CACNB4: variants seen among roughly 807,000 people sequenced by gnomAD.
CACNB4 encodes the protein calcium voltage-gated channel auxiliary subunit beta 4, also known as voltage-dependent L-type calcium channel subunit beta-4.
CACNB4 carries 32 observed loss-of-function variants against 71.2 expected under a neutral mutation model. That is an observed-to-expected ratio of 0.45 (90% confidence interval 0.34 to 0.60). The LOEUF (loss-of-function observed/expected upper bound fraction) is 0.60, where lower values mean the gene tolerates loss of function less well. Ranked by LOEUF, CACNB4 falls within the 20% of genes least tolerant of loss-of-function variation. The pLI is 0.01. For missense variants in CACNB4, 464 were observed against 647.9 expected, an observed-to-expected ratio of 0.72 and a Z score of 3.08; for synonymous variants, 231 against 236.9, an observed-to-expected ratio of 0.97 and a Z score of 0.23.
chr2:151,945,390 C>G lies in CACNB4; in HGVS notation c.148-62020G>C, dbSNP rs150646180. ...CCTCATCTTAACAATGGGGATAGGC[C>G]GGGCATGATGGCTCATGCCTGTAAT... On this transcript the variant is annotated intron_variant, in intron 2 of 13. Coordinates refer to ENST00000539935, the MANE Select transcript of CACNB4 (RefSeq NM_000726.5). Among the ~76,000 whole-genome samples, 175 of 152,280 alleles carry G rather than the reference C, an allele frequency of 1.1e-3. 1 individual carries two copies. The highest frequency in any genetic ancestry group is 4.0e-3 in the African/African-American group (168 of 41,562).
At chr2:152,083,074 C>T (rs75410664) in intron 2 of CACNB4, among the ~76,000 whole-genome samples, 1,872 of 152,256 alleles carry the variant, frequency 0.012, 39 homozygotes, top group African/African-American at 0.043. Context: ...AAACTGCCCT[C>T]CCCAATCTCA....
Position 151,832,931 on chromosome 2 carries a change from G to A in CACNB4, c.*6188C>T, listed in dbSNP as rs982302279. The A allele has an allele frequency of 2.6e-5, 4 of 151,794 alleles. No homozygotes were observed. Among genetic ancestry groups the A allele is most frequent in the Non-Finnish European group, 5.9e-5 (4 of 67,944 alleles). The allele number at this position is 151,794 out of a possible 1,614,324, so 9.4% of individuals were successfully genotyped here. ...TTTTTATTCACAAAAATAACACCACGTTTTTTTCTTTAAAGCCACTAAAGC... is the reference window on the plus strand; with the variant it reads ...TTTTTATTCACAAAAATAACACCACATTTTTTTCTTTAAAGCCACTAAAGC... On this transcript the variant is annotated 3_prime_UTR_variant, in exon 14 of 14. Transcript: ENST00000539935.
intron 2 of CACNB4, chr2:151,971,496 G>C: frequency 1.4e-6 from 1 of 702,712 alleles, no homozygotes; most frequent in Non-Finnish European, 2.6e-6. Context: ...CTATCCACCA[G>C]ACCTGTTCCG....
intron 2 of CACNB4, chr2:151,971,536 C>T: frequency 1.4e-6 from 1 of 702,978 alleles, no homozygotes; most frequent in Non-Finnish European, 2.6e-6. Flanking sequence ...GACAACCCCC[C>T]ACACTTACAG....
Position 151,884,553 on chromosome 2 carries a change from T to G in CACNB4, c.148-1183A>C, listed in dbSNP as rs558412974. On this transcript the variant is annotated intron_variant, in intron 2 of 13. Transcript: ENST00000539935. ...AGGAGGCTGAGGCAGGAGAATGGCGTGAACCCCGGAGGCGGAGCTTGCAGT... is the reference window on the plus strand; with the variant it reads ...AGGAGGCTGAGGCAGGAGAATGGCGGGAACCCCGGAGGCGGAGCTTGCAGT... 3.4e-3 allele frequency among the ~76,000 whole-genome samples: 484 copies of G among 141,624 alleles called. 3 individuals are homozygous for G. The highest frequency in any genetic ancestry group is 6.0e-3 in the Admixed American group (79 of 13,080). The allele number at this position is 141,624 out of a possible 152,430, so 92.9% of individuals were successfully genotyped here. A position where few individuals can be genotyped will look rare whatever the true frequency, so the allele number is the denominator to read the frequency against.
intron 2 of CACNB4, among the ~76,000 whole-genome samples, chr2:152,017,461 ATTTTGGGAGG>A (rs1683407255): frequency 1.3e-5 from 2 of 150,678 alleles, no homozygotes; most frequent in African/African-American, 5.0e-5. Flanking sequence ...TAATCCCAGC[ATTTTGGGAGG>A]CTGAGGCGGG....
chr2:152,047,234 C>T (rs1449792471), intron 2 of CACNB4, among the ~76,000 whole-genome samples: 1 of 152,118 alleles, frequency 6.6e-6, no homozygotes, highest in Non-Finnish European at 1.5e-5. Flanking sequence ...TTTCAGAAAC[C>T]CAAACCCTTA....
intron 2 of CACNB4, among the ~76,000 whole-genome samples, chr2:151,953,945 G>A (rs2099867558): frequency 6.6e-6 from 1 of 152,188 alleles, no homozygotes; most frequent in African/African-American, 2.4e-5. Flanking sequence ...ACAAAGCTCA[G>A]ATGTCTTTAC....
At chr2:151,955,663 C>T (rs949950435) in intron 2 of CACNB4, among the ~76,000 whole-genome samples, 3 of 151,948 alleles carry the variant, frequency 2.0e-5, no homozygotes, top group East Asian at 3.9e-4. Context: ...GAGGCTGAGG[C>T]GGGAGGCTGA....
chr2:151,887,079 AAGAG>A (rs10558426), intron 2 of CACNB4, among the ~76,000 whole-genome samples: 1 of 152,106 alleles, frequency 6.6e-6, no homozygotes, highest in Non-Finnish European at 1.5e-5. Context: ...AATGATCAAA[AAGAG>A]AGAGAGATGG....
At chr2:151,881,879 CTTTTTT>C (rs34072100) in intron 3 of CACNB4, among the ~76,000 whole-genome samples, 1 of 133,042 alleles carries the variant, frequency 7.5e-6, no homozygotes, top group Admixed American at 7.6e-5. Flanking sequence ...CTCCTCCCAT[CTTTTTT>C]TTTTTTTTTT....
In CACNB4 at chr2:151,840,090, A is replaced by G. The variant is rs188056683; in HGVS notation, c.1303-711T>C. On this transcript the variant is annotated intron_variant, in intron 13 of 13. Coordinates refer to ENST00000539935, the MANE Select transcript of CACNB4 (RefSeq NM_000726.5). ...AAGATACTTATTTGAAGGCTCAGAA[A>G]ATGTTATTCAACATTTTTCTCCACT... 5.3e-5 allele frequency among the ~76,000 whole-genome samples: 8 copies of G among 152,354 alleles called. No homozygotes were observed. In the East Asian group the frequency reaches 1.5e-3, roughly 29 times the overall value.
chr2:151,992,112 A>G (rs895688873), intron 2 of CACNB4, among the ~76,000 whole-genome samples: 1 of 152,152 alleles, frequency 6.6e-6, no homozygotes, highest in African/African-American at 2.4e-5. Flanking sequence ...AGTTTCCTCT[A>G]TTTGGAGACA....
At chr2:152,001,699 G>A (rs1206677319) in intron 2 of CACNB4, among the ~76,000 whole-genome samples, 4 of 145,702 alleles carry the variant, frequency 2.7e-5, no homozygotes, top group African/African-American at 1.0e-4. Flanking sequence ...GGCAACAAGA[G>A]CAAAACTCTG....
chr2:152,034,737 C>T (rs1039702264), intron 2 of CACNB4, among the ~76,000 whole-genome samples: 1 of 152,078 alleles, frequency 6.6e-6, no homozygotes, highest in African/African-American at 2.4e-5. Flanking sequence ...ACAACAGCAC[C>T]CCCACAGTGC....
intron 2 of CACNB4, among the ~76,000 whole-genome samples, chr2:152,073,205 G>A (rs553104069): frequency 3.3e-5 from 5 of 152,098 alleles, no homozygotes; most frequent in African/African-American, 1.2e-4. Flanking sequence ...TAAGGTCCAG[G>A]AGAGCAGACG....
intron 2 of CACNB4, among the ~76,000 whole-genome samples, chr2:151,892,046 TA>T (rs1295054850): frequency 6.6e-6 from 1 of 152,162 alleles, no homozygotes; most frequent in Non-Finnish European, 1.5e-5. Context: ...TGCACTAATC[TA>T]GTTTCAGCAG....
chr2:152,049,714 G>T (rs1422438927), intron 2 of CACNB4, among the ~76,000 whole-genome samples: 1 of 152,170 alleles, frequency 6.6e-6, no homozygotes, highest in African/African-American at 2.4e-5. Flanking sequence ...CAGAAAGAAA[G>T]AAAGGCTGTG....
intron 9 of CACNB4, among the ~76,000 whole-genome samples, chr2:151,863,959 T>C (rs1233445079): frequency 6.6e-6 from 1 of 152,238 alleles, no homozygotes; most frequent in African/African-American, 2.4e-5. Context: ...AGATGCTTAT[T>C]ATTATCAAAA....
Sources: gnomAD v4.1 joint callset for allele counts (sites outside exome capture counted in the v4.1 genomes callset) on GRCh38, gnomAD v4.1.1 for gene constraint, MANE v1.5 for transcripts, NCBI Gene and HGNC (gene_info 2026-07-23, HGNC 2026-07-21) for gene names.